The following AMOTL1 variants were observed in gnomAD, a reference collection of about 807,000 sequenced individuals.
AMOTL1 encodes the protein angiomotin-like protein 1.
Under a neutral mutation model 102.9 loss-of-function variants are expected in AMOTL1, and 45 were observed. The observed-to-expected ratio is 0.44, with a 90% CI of 0.34 to 0.56. The LOEUF is 0.56. Among genes scored for constraint, AMOTL1 ranks in the 20% least tolerant of loss-of-function variants. The pLI, the probability that AMOTL1 is intolerant of heterozygous loss-of-function variation, is 0.01. For missense variants in AMOTL1, 1,114 were observed against 1,225.6 expected, an observed-to-expected ratio of 0.91 and a Z score of 1.36; for synonymous variants, 481 against 484.7, an observed-to-expected ratio of 0.99 and a Z score of 0.10.
intron 4 of AMOTL1, among the ~76,000 whole-genome samples, chr11:94,824,401 C>A (rs956331758): frequency 2.0e-5 from 3 of 152,172 alleles, no homozygotes; most frequent in Admixed American, 2.0e-4. Context: ...CTGTCAGTGA[C>A]GTTACATGAG....
chr11:94,817,414 C>T (rs1005223751), intron 3 of AMOTL1, among the ~76,000 whole-genome samples: 9 of 152,126 alleles, frequency 5.9e-5, no homozygotes, highest in African/African-American at 9.7e-5. Flanking sequence ...ACATATTCAG[C>T]TTATTTGATG....
intron 2 of AMOTL1, among the ~76,000 whole-genome samples, chr11:94,796,638 A>G (rs1416343788): frequency 6.6e-6 from 1 of 152,204 alleles, no homozygotes; most frequent in Non-Finnish European, 1.5e-5. Context: ...TTGTTGGTGT[A>G]GAAACTAGGG....
chr11:94,736,862 A>C (rs1433576767), intron 2 of AMOTL1, among the ~76,000 whole-genome samples: 1 of 152,206 alleles, frequency 6.6e-6, no homozygotes, highest in African/African-American at 2.4e-5. Flanking sequence ...CCCTTATTAG[A>C]AGGGCACTGA....
intron 8 of AMOTL1, among the ~76,000 whole-genome samples, chr11:94,855,646 C>T (rs1278459316): frequency 6.6e-6 from 1 of 152,196 alleles, no homozygotes; most frequent in East Asian, 1.9e-4. Context: ...GATTACTTCT[C>T]CTTGGCTCTT....
intron 3 of AMOTL1, among the ~76,000 whole-genome samples, chr11:94,810,007 CT>C (rs973305608): frequency 1.7e-4 from 26 of 152,032 alleles, no homozygotes; most frequent in Non-Finnish European, 3.4e-4. Context: ...CATAACACCT[CT>C]TTTTTTTCCT....
intron 2 of AMOTL1, among the ~76,000 whole-genome samples, chr11:94,736,733 T>C (rs1950443914): frequency 6.6e-6 from 1 of 152,186 alleles, no homozygotes; most frequent in African/African-American, 2.4e-5. Flanking sequence ...TTGTGCACTG[T>C]TTATTATAAC....
chr11:94,726,325 C>T (rs538706217), intron 1 of AMOTL1, among the ~76,000 whole-genome samples: 1 of 152,144 alleles, frequency 6.6e-6, no homozygotes, highest in Admixed American at 6.5e-5. Flanking sequence ...GATCTAATAC[C>T]TAGGTAGAGT....
chr11:94,742,018 T>G (rs1237172615), intron 3 of AMOTL1, among the ~76,000 whole-genome samples: 1 of 152,166 alleles, frequency 6.6e-6, no homozygotes, highest in East Asian at 1.9e-4. Context: ...AAATTCCACC[T>G]CAACAACGAC....
rs566482332 is a variant in AMOTL1 at position 94,734,733 on chromosome 11, G to A, written c.85+5678G>A. On this transcript the variant is annotated intron_variant, in intron 2 of 4. Coordinates refer to the AMOTL1 transcript ENST00000299004. ...GTTAACTAGCAGAGGGCCTCCAGGAGAGAGAAGGCTACCTGCAGAGAAGAT... is the reference window on the plus strand; with the variant it reads ...GTTAACTAGCAGAGGGCCTCCAGGAAAGAGAAGGCTACCTGCAGAGAAGAT... 2.0e-5 allele frequency among the ~76,000 whole-genome samples: 3 copies of A among 152,290 alleles called. No individual in the cohort carries two copies. In the South Asian group the frequency reaches 6.2e-4, roughly 32 times the overall value.
chr11:94,865,246 G>A (rs1380302261), intron 10 of AMOTL1, among the ~76,000 whole-genome samples: 1 of 152,132 alleles, frequency 6.6e-6, no homozygotes, highest in Non-Finnish European at 1.5e-5. Context: ...ATATATTCCA[G>A]TCCAAAATAA....
intron 1 of AMOTL1, among the ~76,000 whole-genome samples, chr11:94,779,549 A>G (rs1044216155): frequency 2.6e-5 from 4 of 152,196 alleles, no homozygotes; most frequent in African/African-American, 9.7e-5. Flanking sequence ...TATATGCTCT[A>G]TAAGCAAGAG....
At chr11:94,710,687 T>A (rs1950010281) in intron 1 of AMOTL1, among the ~76,000 whole-genome samples, 1 of 152,302 alleles carries the variant, frequency 6.6e-6, no homozygotes. Context: ...TCAAGATAAG[T>A]GTTCAATAAA....
intron 3 of AMOTL1, among the ~76,000 whole-genome samples, chr11:94,751,114 T>C (rs1038100931): frequency 6.6e-6 from 1 of 152,096 alleles, no homozygotes; most frequent in Non-Finnish European, 1.5e-5. Flanking sequence ...GTATTGGGAA[T>C]TGAATAAATA....
chr11:94,743,651 CTT>C (rs760828820), intron 3 of AMOTL1, among the ~76,000 whole-genome samples: 150 of 98,090 alleles, frequency 1.5e-3, no homozygotes, highest in South Asian at 0.015. Context: ...CACAATACTT[CTT>C]TTTTTTTTTT....
chr11:94,844,720 C>A (rs1952373014), intron 6 of AMOTL1, among the ~76,000 whole-genome samples: 1 of 152,210 alleles, frequency 6.6e-6, no homozygotes, highest in Non-Finnish European at 1.5e-5. Flanking sequence ...GGGCTGAACC[C>A]TCATGGCCTA....
intron 1 of AMOTL1, among the ~76,000 whole-genome samples, chr11:94,786,768 C>T (rs989067903): frequency 6.6e-6 from 1 of 152,064 alleles, no homozygotes; most frequent in African/African-American, 2.4e-5. Context: ...TTTGAAGGGC[C>T]TTAAAAAAGG....
chr11:94,722,065 T>TC (rs1459138812), intron 1 of AMOTL1, among the ~76,000 whole-genome samples: 14 of 152,264 alleles, frequency 9.2e-5, no homozygotes, highest in Middle Eastern at 3.4e-3. Context: ...TCCTGGGGTT[T>TC]CCCAACCTCC....
intron 4 of AMOTL1, 95 bp downstream of exon 4, chr11:94,821,916 C>A: frequency 2.7e-6 from 4 of 1,492,832 alleles, no homozygotes; most frequent in Admixed American, 3.7e-5. Flanking sequence ...TTGCAGTAGA[C>A]CCCTTTTTAT....
chr11:94,790,901 AC>A (rs1433499686), intron 1 of AMOTL1, among the ~76,000 whole-genome samples: 1 of 152,178 alleles, frequency 6.6e-6, no homozygotes, highest in Non-Finnish European at 1.5e-5. Flanking sequence ...GTGGCTCACC[AC>A]GGTTTCTGTT....
Sources: gnomAD v4.1 joint callset for allele counts (sites outside exome capture counted in the v4.1 genomes callset) on GRCh38, gnomAD v4.1.1 for gene constraint, MANE v1.5 for transcripts, NCBI Gene and HGNC (gene_info 2026-07-23, HGNC 2026-07-21) for gene names.